Variants in AGBL1 observed in about 807,000 individuals in gnomAD.
The protein encoded by AGBL1 is cytosolic carboxypeptidase 4.
A neutral mutation model predicts 118.9 loss-of-function variants in AGBL1; 130 were observed. The observed-to-expected ratio is 1.09, with a 90% CI of 0.95 to 1.26. AGBL1 has a LOEUF of 1.26. Among genes scored for constraint, AGBL1 ranks in the 50% most tolerant of loss-of-function variants. AGBL1 has a pLI of 0.00. For synonymous variants in AGBL1, 555 were observed against 478.9 expected (o/e 1.16, Z -2.08); for missense variants, 1,584 against 1,298.1 (o/e 1.22, Z -3.38).
At chr15:86,766,286 G>GTTTAATGCAAT (rs771008723) in intron 22 of AGBL1, among the ~76,000 whole-genome samples, 3 of 151,810 alleles carry the variant, frequency 2.0e-5, no homozygotes, top group Non-Finnish European at 2.9e-5. Context: ...ACCATTTTAT[G>GTTTAATGCAAT]TTTAATGCAA....
intron 22 of AGBL1, among the ~76,000 whole-genome samples, chr15:86,788,449 A>G (rs1466756344): frequency 6.6e-6 from 1 of 152,172 alleles, no homozygotes; most frequent in Non-Finnish European, 1.5e-5. Context: ...AAAATGTGGT[A>G]AGAGTTTTAA....
intron 22 of AGBL1, among the ~76,000 whole-genome samples, chr15:86,800,382 A>G (rs1488435241): frequency 6.6e-6 from 1 of 152,064 alleles, no homozygotes; most frequent in African/African-American, 2.4e-5. Context: ...TCTCCTTTCC[A>G]TATCCTTGCA....
chr15:86,211,380 A>G (rs1359490627), intron 5 of AGBL1, among the ~76,000 whole-genome samples: 1 of 152,232 alleles, frequency 6.6e-6, no homozygotes, highest in Non-Finnish European at 1.5e-5. Flanking sequence ...GAGCTGTCAG[A>G]CAGGGACATT....
chr15:86,227,422 A>G (rs904067926), intron 6 of AGBL1, among the ~76,000 whole-genome samples: 2 of 152,254 alleles, frequency 1.3e-5, no homozygotes, highest in African/African-American at 4.8e-5. Context: ...TCAATGTACC[A>G]TTGGCATTTT....
Position 86,253,199 on chromosome 15 carries a change from A to G in AGBL1, c.736-3654A>G, listed in dbSNP as rs376368247. ...AGTCATGGGCAGTGCCAGGGCATTT[A>G]GAGTTCCTTGAACTATGATAGGGAC... On this transcript the variant is annotated intron_variant, in intron 7 of 22. Coordinates refer to ENST00000614907, the MANE Select transcript of AGBL1 (RefSeq NM_001386094.1). Among the ~76,000 whole-genome samples, 32 of 152,322 alleles carry G rather than the reference A, an allele frequency of 2.1e-4. No individual in the cohort carries two copies. The South Asian group carries it at 6.6e-3, about 32-fold the overall frequency.
At chr15:86,224,413 C>T (rs1284581538) in intron 5 of AGBL1, among the ~76,000 whole-genome samples, 1 of 152,114 alleles carries the variant, frequency 6.6e-6, no homozygotes, top group Admixed American at 6.5e-5. Flanking sequence ...CCTAAGGAAA[C>T]AGCCTCTCTT....
intron 18 of AGBL1, among the ~76,000 whole-genome samples, chr15:86,501,278 A>T (rs2082914778): frequency 6.6e-6 from 1 of 151,574 alleles, no homozygotes; most frequent in Non-Finnish European, 1.5e-5. Flanking sequence ...TCTTGTAATG[A>T]GCTTATTGGT....
intron 22 of AGBL1, among the ~76,000 whole-genome samples, chr15:86,862,860 G>C (rs981040047): frequency 2.0e-5 from 3 of 152,238 alleles, no homozygotes; most frequent in African/African-American, 7.2e-5. Flanking sequence ...GAAGAGGAAA[G>C]CAAGAAGGTG....
intron 17 of AGBL1, among the ~76,000 whole-genome samples, chr15:86,339,069 G>A (rs2080419654): frequency 6.6e-6 from 1 of 151,956 alleles, no homozygotes. Context: ...TGTTAATATG[G>A]TAGATAATAC....
At chr15:86,704,224 C>T (rs1342637690) in intron 22 of AGBL1, among the ~76,000 whole-genome samples, 1 of 151,990 alleles carries the variant, frequency 6.6e-6, no homozygotes, top group Non-Finnish European at 1.5e-5. Flanking sequence ...AGGACATGGC[C>T]TGGGCAAAGA....
intron 22 of AGBL1, among the ~76,000 whole-genome samples, chr15:86,831,996 G>A (rs1278790716): frequency 1.3e-5 from 2 of 152,154 alleles, no homozygotes; most frequent in Admixed American, 6.5e-5. Flanking sequence ...GTCCCTGCAG[G>A]CCCAACACCA....
At chr15:86,258,605 G>A (rs374477090) in intron 9 of AGBL1, among the ~76,000 whole-genome samples, 83 of 152,298 alleles carry the variant, frequency 5.4e-4, no homozygotes, top group African/African-American at 1.9e-3. Flanking sequence ...AATTATTTTA[G>A]GCTTTGTGGA....
intron 21 of AGBL1, among the ~76,000 whole-genome samples, chr15:86,583,040 T>A (rs2084194933): frequency 6.6e-6 from 1 of 152,116 alleles, no homozygotes; most frequent in Non-Finnish European, 1.5e-5. Context: ...TAATATTTTT[T>A]GAAATTTTTT....
intron 6 of AGBL1, 84 bp from the exon 7 acceptor site, chr15:86,247,587 T>C: frequency 7.5e-7 from 1 of 1,325,536 alleles, no homozygotes; most frequent in Non-Finnish European, 1.1e-6. Flanking sequence ...AATAAGTATC[T>C]TGTGGGAAAT....
intron 22 of AGBL1, among the ~76,000 whole-genome samples, chr15:86,825,685 G>GGA (rs1567193123): frequency 7.3e-6 from 1 of 136,512 alleles, no homozygotes; most frequent in African/African-American, 2.9e-5. Flanking sequence ...GGAAGGAAGG[G>GGA]AGAGAGGGAG....
intron 21 of AGBL1, among the ~76,000 whole-genome samples, chr15:86,618,680 T>C (rs12594952): frequency 0.25 from 38,135 of 152,122 alleles, 5,799 homozygotes; most frequent in Middle Eastern, 0.36. Flanking sequence ...GAGAGTGTGG[T>C]AAGACATGCA....
chr15:86,162,401 C>T (rs565255128), intron 5 of AGBL1, among the ~76,000 whole-genome samples: 3 of 152,272 alleles, frequency 2.0e-5, no homozygotes, highest in Admixed American at 1.3e-4. Context: ...GTGCAGCTGT[C>T]CTCCAATGAA....
At chr15:86,219,483 G>A (rs1469981504) in intron 5 of AGBL1, among the ~76,000 whole-genome samples, 1 of 152,132 alleles carries the variant, frequency 6.6e-6, no homozygotes, top group African/African-American at 2.4e-5. Flanking sequence ...AAGGCTATGA[G>A]ATTCAGAGAG....
At chr15:86,491,567 T>A (rs892055559) in intron 18 of AGBL1, among the ~76,000 whole-genome samples, 1 of 152,062 alleles carries the variant, frequency 6.6e-6, no homozygotes, top group Non-Finnish European at 1.5e-5. Context: ...AGATAATTCT[T>A]ACAGCTTCCA....
Sources: gnomAD v4.1 joint callset for allele counts (sites outside exome capture counted in the v4.1 genomes callset) on GRCh38, gnomAD v4.1.1 for gene constraint, MANE v1.5 for transcripts, NCBI Gene and HGNC (gene_info 2026-07-23, HGNC 2026-07-21) for gene names.